LGI4: variants seen among roughly 807,000 people sequenced by gnomAD.
LGI4 encodes the protein leucine-rich repeat LGI family member 4.
Under a neutral mutation model 48.3 loss-of-function variants are expected in LGI4, and 36 were observed. The ratio of observed to expected loss-of-function variants is 0.75; its 90% CI spans 0.57 to 0.98. The LOEUF is 0.98. Ranked by LOEUF, LGI4 falls within the 50% of genes least tolerant of loss-of-function variation. LGI4 has a pLI of 0.00. For missense variants in LGI4, 701 were observed against 732.1 expected (o/e 0.96, Z 0.49); for synonymous variants, 355 against 331.6 (o/e 1.07, Z -0.77).
In LGI4 at chr19:35,126,646, G is replaced by T; in HGVS notation, c.923C>A (p.Thr308Asn). Residue 308 changes from threonine (T) to asparagine (N), a missense_variant, in exon 8 of 9, where the codon ACC (threonine) becomes AAC (asparagine). This residue lies in a region of LGI4 where 462 missense variants were observed against 436.4 expected (regional missense o/e 1.06). Coordinates refer to ENST00000310123, the MANE Select transcript of LGI4 (RefSeq NM_139284.3). The stretch of plus-strand genomic sequence containing the variant: ...CCGCAGCAGCCGCCGCGGGGCCAGG[G>T]TCTGCGTTGGGGCCAGGCGCAGGCC... ...SPGLRLAPTQTLAPRRLLRPN... is the reference protein window; with the variant it reads ...SPGLRLAPTQNLAPRRLLRPN... 1.9e-6 allele frequency: 3 copies of T among 1,538,508 alleles called. No homozygotes were observed. Among genetic ancestry groups the T allele is most frequent in the Non-Finnish European group, 2.6e-6 (3 of 1,147,848 alleles).
chr19:35,132,128 C>G, intron 3 of LGI4, 86 bp from the exon 4 acceptor site: 1 of 1,103,378 alleles, frequency 9.1e-7, no homozygotes, highest in Non-Finnish European at 1.4e-6. Context: ...CTGGAAGGTG[C>G]TGAATTCTCT....
chr19:35,128,632 G>T (rs1393746385), intron 6 of LGI4, among the ~76,000 whole-genome samples: 1 of 152,146 alleles, frequency 6.6e-6, no homozygotes, highest in Non-Finnish European at 1.5e-5. Flanking sequence ...GATCACCTGA[G>T]CCTGGGGAGG....
Position 35,126,562 on chromosome 19 carries a change from G to A in LGI4, c.1007C>T (p.Ala336Val). The change falls in exon 8 of 9, where the codon GCC becomes GTC. Residue 336 changes from alanine to valine, a missense_variant. This residue lies in a region of LGI4 where 16 missense variants were observed against 32.5 expected (regional missense o/e 0.49). Coordinates refer to ENST00000310123, the MANE Select transcript of LGI4 (RefSeq NM_139284.3). ...EGQPCFVVAD[A>V]SKAGSTTLLC... Reference sequence around the variant, plus strand: ...CAGCGTGGTGCTGCCCGCCTTGGAGGCATCGGCCACCACGAAGCAGGGTTG... The same window carrying A: ...CAGCGTGGTGCTGCCCGCCTTGGAGACATCGGCCACCACGAAGCAGGGTTG... The A allele has an allele frequency of 6.5e-7, 1 of 1,539,948 alleles. No individual in the cohort carries two copies. Among genetic ancestry groups the A allele is most frequent in the East Asian group, 2.4e-5 (1 of 41,328 alleles).
Position 35,125,497 on chromosome 19 carries a change from C to A in LGI4, c.1310G>T (p.Trp437Leu). 1 of 1,559,588 alleles carries A rather than the reference C, an allele frequency of 6.4e-7. No homozygotes were observed. The highest frequency in any genetic ancestry group is 8.7e-7 in the Non-Finnish European group (1 of 1,150,042). The change falls in exon 9 of 9, where the codon TGG (tryptophan) becomes TTG (leucine). Residue 437 changes from tryptophan to leucine, a missense_variant. Physicochemically the swap from Trp to Leu is moderately conservative, Grantham distance 61. Transcript: ENST00000310123. ...CAGCAGACGAAACATGGAGCCGTCC[C>A]AGCGCATGACCTGTGGGGGTGTGGC... ...RYIGDSMVMR[W>L]DGSMFRLLQQ...
In LGI4 at chr19:35,134,599, G is replaced by C. The variant is rs755534425; in HGVS notation, c.82C>G (p.Pro28Ala). The change falls in exon 1 of 9, where the codon CCC (proline) becomes GCC (alanine). Residue 28 changes from proline to alanine, a missense_variant. Transcript: ENST00000310123. ...VAWRPPKGKCPLRCSCSKDSA... is the reference protein window; with the variant it reads ...VAWRPPKGKCALRCSCSKDSA... ...TCTTTAGAGCAGGAGCAGCGCAGGG[G>C]ACACTTTCCCTTTGGGGGTCTCCAG... 4 of 1,587,866 alleles carry C rather than the reference G, an allele frequency of 2.5e-6. No individual in the cohort carries two copies. The highest frequency in any genetic ancestry group is 3.6e-5 in the Admixed American group (2 of 55,760).
intron 1 of LGI4, 123 bp from the exon 2 acceptor site, chr19:35,134,227 C>T (rs529895022): frequency 3.7e-5 from 34 of 918,984 alleles, no homozygotes; most frequent in African/African-American, 2.8e-4. Context: ...GTCTCCCCTG[C>T]ATGCCAGAGG....
In LGI4 at chr19:35,124,801, G is replaced by C. The variant is rs972112719; in HGVS notation, c.*392C>G. ...GGAAAGGAATGCCATCAACCCCTCG[G>C]TGCTTTCAGAGGGACCAGCGGGGTA... is the stretch of plus-strand genomic sequence containing the variant. On this transcript the variant is annotated 3_prime_UTR_variant, in exon 9 of 9. Coordinates refer to ENST00000310123, the MANE Select transcript of LGI4 (RefSeq NM_139284.3). 1 of 173,924 alleles carries C rather than the reference G, an allele frequency of 5.7e-6. No homozygotes were observed. Among genetic ancestry groups the C allele is most frequent in the Non-Finnish European group, 1.2e-5 (1 of 83,030 alleles). 10.8% of individuals were successfully genotyped at this position (173,924 alleles called of 1,614,324 possible). A position where few individuals can be genotyped will look rare whatever the true frequency, so the allele number is the denominator to read the frequency against.
Position 35,131,490 on chromosome 19 carries a change from G to A in LGI4, c.524C>T (p.Thr175Ile). 1.3e-6 allele frequency: 2 copies of A among 1,551,302 alleles called. No homozygotes were observed. The highest frequency in any genetic ancestry group is 1.7e-6 in the Non-Finnish European group (2 of 1,146,976). Reference protein sequence around the residue: ...RVLWLLQWMPTVNASVGTGAC... With the variant: ...RVLWLLQWMPIVNASVGTGAC... ...GCCGGTCCCCACGCTGGCATTCACG[G>A]TGGGCATCCACTGCAGGAGCCAGAG... Residue 175 changes from threonine to isoleucine, a missense_variant, in exon 6 of 9, where the codon ACC becomes ATC. Thr to Ile is a moderately conservative substitution (Grantham distance 89, BLOSUM62 -1). This residue lies in a region of LGI4 where 462 missense variants were observed against 436.4 expected (regional missense o/e 1.06). Transcript: ENST00000310123.
intron 3 of LGI4, 21 bp from the exon 4 acceptor site, chr19:35,132,063 CA>C (rs759248069): frequency 1.3e-6 from 2 of 1,559,940 alleles, no homozygotes; most frequent in Non-Finnish European, 8.7e-7. Context: ...AAGCTGGGGT[CA>C]GGGGGAGGCC....
rs973327336 is a variant in LGI4 at position 35,125,060 on chromosome 19, G to A, written c.*133C>T. The A allele has an allele frequency of 5.6e-6, 4 of 713,286 alleles. No individual in the cohort carries two copies. Among genetic ancestry groups the A allele is most frequent in the African/African-American group, 1.8e-5 (1 of 56,472 alleles). The allele number at this position is 713,286 out of a possible 1,614,324, so 44.2% of individuals were successfully genotyped here. On this transcript the variant is annotated 3_prime_UTR_variant, in exon 9 of 9. Transcript: ENST00000310123. ...AGATCCTTTAAGAAGTGGGCTTAAG[G>A]CCTAGACGTGTGGCTGATGAACGTG... is the stretch of plus-strand genomic sequence containing the variant.
At chr19:35,130,859 C>A (rs189353779) in intron 6 of LGI4, among the ~76,000 whole-genome samples, 1 of 152,344 alleles carries the variant, frequency 6.6e-6, no homozygotes, top group Non-Finnish European at 1.5e-5. Context: ...TGGGCCTCCC[C>A]ATCCTGCCCA....
chr19:35,131,642 C>A (rs1388258227), intron 5 of LGI4, 87 bp from the exon 6 acceptor site: 2 of 1,491,954 alleles, frequency 1.3e-6, no homozygotes, highest in Non-Finnish European at 1.8e-6. Flanking sequence ...CAAGTGTCCC[C>A]AGAGATGGGG....
At position 35,126,579 on chromosome 19, in the gene LGI4, G is replaced by C. The variant is rs760001750; in HGVS notation, c.990C>G (p.Cys330Trp). The C allele has an allele frequency of 3.9e-6, 6 of 1,540,094 alleles. No homozygotes were observed. In the African/African-American group the frequency reaches 6.8e-5, roughly 17 times the overall value. The change falls in exon 8 of 9, where the codon TGC becomes TGG. Residue 330 changes from cysteine to tryptophan, a missense_variant. By Grantham distance (215) the Cys-to-Trp change is radical (BLOSUM62 -2). This residue lies in a region of LGI4 where 462 missense variants were observed against 436.4 expected (regional missense o/e 1.06). Coordinates refer to ENST00000310123, the MANE Select transcript of LGI4 (RefSeq NM_139284.3). ...AELLWLEGQPCFVVADASKAG... is the reference protein window; with the variant it reads ...AELLWLEGQPWFVVADASKAG... ...CCTTGGAGGCATCGGCCACCACGAA[G>C]CAGGGTTGCCCTTCCAGCCACAGGA...
chr19:35,130,308 C>T (rs942472620), intron 6 of LGI4, among the ~76,000 whole-genome samples: 1 of 152,130 alleles, frequency 6.6e-6, no homozygotes, highest in East Asian at 1.9e-4. Flanking sequence ...CTCCACCTTG[C>T]GAGAAATACC....
chr19:35,126,958 G>T lies in LGI4; in HGVS notation c.688C>A (p.Gln230Lys), dbSNP rs1425055786. Residue 230 changes from glutamine (Q) to lysine (K), a missense_variant, in exon 7 of 9, where the codon CAA becomes AAA. By Grantham distance (53) the Gln-to-Lys change is moderately conservative. Around this residue, in one of 3 missense-constraint regions of LGI4, gnomAD observed 462 missense variants for 436.4 expected, o/e 1.06. Transcript: ENST00000310123. ...GCCAGCACAATGTGAGGCTCCCCTT[G>T]GTAGGAGAAGGGCTCTACGCTCAGT... ...SALSVEPFSY[Q>K]GEPHIVLAQP... 1.2e-6 allele frequency: 2 copies of T among 1,613,570 alleles called. No individual in the cohort carries two copies. Among genetic ancestry groups the T allele is most frequent in the Admixed American group, 3.3e-5 (2 of 60,000 alleles).
Position 35,134,057 on chromosome 19 carries a change from A to G in LGI4, c.218T>C (p.Leu73Pro), listed in dbSNP as rs780359222. ...CAGCAGGTGCAGAGACGGAATTCTC[A>G]GGAAGCTGCCGGCCTTCAGCTGGGT... is the stretch of plus-strand genomic sequence containing the variant. ...GVTQLKAGSF[L>P]RIPSLHLLLF... The change falls in exon 2 of 9, where the codon CTG (leucine) becomes CCG (proline). Residue 73 changes from leucine (L) to proline (P), a missense_variant. Physicochemically the swap from Leu to Pro is moderately conservative, Grantham distance 98. This residue lies in a region of LGI4 where 462 missense variants were observed against 436.4 expected (regional missense o/e 1.06). Coordinates refer to ENST00000310123, the MANE Select transcript of LGI4 (RefSeq NM_139284.3). The G allele has an allele frequency of 1.3e-6, 2 of 1,564,904 alleles. No individual in the cohort carries two copies. The highest frequency in any genetic ancestry group is 2.4e-5 in the East Asian group (1 of 42,288).
At chr19:35,131,328 C>G (rs950932804) in intron 6 of LGI4, 58 bp downstream of exon 6, 5 of 1,543,462 alleles carry the variant, frequency 3.2e-6, no homozygotes, top group Non-Finnish European at 4.4e-6. Context: ...AGCCTCTTGG[C>G]CCTGGCAGCC....
intron 6 of LGI4, among the ~76,000 whole-genome samples, chr19:35,128,821 AC>A (rs1399924396): frequency 1.3e-5 from 2 of 151,720 alleles, no homozygotes; most frequent in East Asian, 3.9e-4. Flanking sequence ...TCCACTCACT[AC>A]CCCTGAGCCA....
chr19:35,133,578 A>G, intron 3 of LGI4, 115 bp downstream of exon 3: 1 of 1,480,008 alleles, frequency 6.8e-7, no homozygotes, highest in Non-Finnish European at 9.0e-7. Flanking sequence ...TCCCACCATG[A>G]TGTCCAAACA....
Sources: gnomAD v4.1 joint callset for allele counts (sites outside exome capture counted in the v4.1 genomes callset) on GRCh38, gnomAD v4.1.1 for gene constraint, gnomAD v4.1.1 regional missense constraint, MANE v1.5 for transcripts, NCBI Gene and HGNC (gene_info 2026-07-23, HGNC 2026-07-21) for gene names.